Variants in KALRN observed in about 807,000 individuals in gnomAD.
KALRN encodes the protein kalirin RhoGEF kinase.
A neutral mutation model predicts 353.7 loss-of-function variants in KALRN; 70 were observed. The observed-to-expected ratio is 0.20, with a 90% CI of 0.16 to 0.24. KALRN has a LOEUF of 0.24. Among genes scored for constraint, KALRN ranks in the 10% least tolerant of loss-of-function variants. The pLI is 1.00. For missense variants in KALRN, 2,791 were observed against 3,756.7 expected (o/e 0.74, Z 6.72); for synonymous variants, 1,391 against 1,434.8 (o/e 0.97, Z 0.69).
rs10686645 is a variant in KALRN, at chr3:124,406,832, C to CTTTTTT, written c.2347-6626_2347-6621dup. On this transcript the variant is annotated intron_variant, in intron 13 of 59. Coordinates refer to ENST00000682506, the MANE Select transcript of KALRN (RefSeq NM_001388419.1). ...GTGTGGCCTTAAGCAAGTTGCTTTG[C>CTTTTTT]TTTTTTTTTTTTTTTTTGAGACAGG... Among the ~76,000 whole-genome samples, 13 of 126,270 alleles carry CTTTTTT rather than the reference C, an allele frequency of 1.0e-4. 1 individual carries two copies. The highest frequency in any genetic ancestry group is 4.2e-3 in the Middle Eastern group (1 of 240). 82.8% of individuals were successfully genotyped at this position (126,270 alleles called of 152,430 possible). A position where few individuals can be genotyped will look rare whatever the true frequency, so the allele number is the denominator to read the frequency against.
At chr3:124,380,782 T>C (rs1404254346) in intron 10 of KALRN, among the ~76,000 whole-genome samples, 2 of 152,192 alleles carry the variant, frequency 1.3e-5, no homozygotes, top group African/African-American at 4.8e-5. Flanking sequence ...TTAGTTGATA[T>C]TTTCTGTACA....
In KALRN at chr3:124,694,433, ACTTGGAAGGGTCCAGAC is replaced by A; in HGVS notation, c.7509_7525del (p.Trp2504GlufsTer4). The A allele has an allele frequency of 6.2e-7, 1 of 1,614,198 alleles. No individual in the cohort carries two copies. The highest frequency in any genetic ancestry group is 8.5e-7 in the Non-Finnish European group (1 of 1,180,014). On this transcript the variant is annotated frameshift_variant, in exon 53 of 60. Coordinates refer to ENST00000682506, the MANE Select transcript of KALRN (RefSeq NM_001388419.1). LOFTEE classifies it high-confidence loss of function. Reference sequence around the variant, plus strand: ...CTGTGGGCGGCCAAAGCCCACCATCACTTGGAAGGGTCCAGACCAGAACATCCTTGACACTGATAACA... The same window carrying A: ...CTGTGGGCGGCCAAAGCCCACCATCACAGAACATCCTTGACACTGATAACA...
chr3:124,119,007 A>T (rs921818722), intron 1 of KALRN, among the ~76,000 whole-genome samples: 1 of 152,194 alleles, frequency 6.6e-6, no homozygotes, highest in East Asian at 1.9e-4. Context: ...TCATACTGTA[A>T]TGAGAGCCCA....
chr3:124,352,728 A>T (rs1275025941), intron 10 of KALRN, among the ~76,000 whole-genome samples: 1 of 151,964 alleles, frequency 6.6e-6, no homozygotes, highest in Non-Finnish European at 1.5e-5. Flanking sequence ...TCATTCTGAA[A>T]CTGGAAACCA....
chr3:124,368,265 C>T (rs1393751482), intron 10 of KALRN, among the ~76,000 whole-genome samples: 30 of 146,144 alleles, frequency 2.1e-4, no homozygotes, highest in Admixed American at 1.6e-3. Flanking sequence ...CCCTCCCGGA[C>T]GGGGCGGCTG....
chr3:124,541,719 C>CT (rs992588657), intron 33 of KALRN, among the ~76,000 whole-genome samples: 10 of 144,942 alleles, frequency 6.9e-5, no homozygotes, highest in Non-Finnish European at 1.2e-4. Context: ...CCCATCTCTA[C>CT]TAAAAAAAAA....
intron 1 of KALRN, among the ~76,000 whole-genome samples, chr3:124,195,941 G>A (rs973156832): frequency 6.6e-6 from 1 of 152,212 alleles, no homozygotes; most frequent in Non-Finnish European, 1.5e-5. Flanking sequence ...CAGAGGGAAA[G>A]GGGGAACACC....
At chr3:124,692,659 T>C (rs919224968) in intron 51 of KALRN, among the ~76,000 whole-genome samples, 1 of 152,252 alleles carries the variant, frequency 6.6e-6, no homozygotes, top group Non-Finnish European at 1.5e-5. Context: ...CATCTTTATT[T>C]AAATAGGTAT....
At chr3:124,609,624 A>C (rs2077710658) in intron 34 of KALRN, among the ~76,000 whole-genome samples, 1 of 152,190 alleles carries the variant, frequency 6.6e-6, no homozygotes, top group Admixed American at 6.5e-5. Flanking sequence ...GGAAAATGAG[A>C]GTGAATCCAT....
At position 124,562,865 on chromosome 3, in the gene KALRN, C is replaced by G. The variant is rs2072237556; in HGVS notation, c.4958C>G (p.Thr1653Arg). 7.3e-7 allele frequency: 1 copy of G among 1,366,386 alleles called. No homozygotes were observed. The highest frequency in any genetic ancestry group is 1.5e-5 in the African/African-American group (1 of 67,720). 84.6% of individuals were successfully genotyped at this position (1,366,386 alleles called of 1,614,324 possible). A position where few individuals can be genotyped will look rare whatever the true frequency, so the allele number is the denominator to read the frequency against. Reference protein sequence around the residue: ...SDKLSGGCELTVVLQDFSAGH... With the variant: ...SDKLSGGCELRVVLQDFSAGH... ...AAGCTCTCTGGTGGATGTGAGCTGA[C>G]AGTGGTCCTCCAGGACTTCAGTGCG... Residue 1653 changes from threonine to arginine, a missense_variant, in exon 34 of 60, where the codon ACA becomes AGA. Physicochemically the swap from Thr to Arg is moderately conservative, Grantham distance 71 (BLOSUM62 -1). Around this residue, in one of 11 missense-constraint regions of KALRN, gnomAD observed 239 missense variants for 351.3 expected, o/e 0.68. Transcript: ENST00000682506.
chr3:124,255,844 G>T (rs754590199), intron 3 of KALRN, among the ~76,000 whole-genome samples: 1 of 152,178 alleles, frequency 6.6e-6, no homozygotes, highest in African/African-American at 2.4e-5. Context: ...CAAAGATGGG[G>T]TTGGCGTGGG....
At chr3:124,093,209 C>A (rs1381038767) in intron 1 of KALRN, among the ~76,000 whole-genome samples, 1 of 152,166 alleles carries the variant, frequency 6.6e-6, no homozygotes, top group East Asian at 1.9e-4. Flanking sequence ...GAAATCTGCA[C>A]CCTCTCTCAT....
intron 34 of KALRN, among the ~76,000 whole-genome samples, chr3:124,568,733 C>A (rs1000763120): frequency 6.6e-6 from 1 of 152,128 alleles, no homozygotes; most frequent in Non-Finnish European, 1.5e-5. Flanking sequence ...GTGAAACAAG[C>A]CAGACACAAA....
intron 5 of KALRN, among the ~76,000 whole-genome samples, chr3:124,286,113 T>TTCTTTCTTTCTC (rs2075848478): frequency 6.7e-6 from 1 of 148,612 alleles, no homozygotes; most frequent in African/African-American, 2.5e-5. Context: ...CTTTCTTTCT[T>TTCTTTCTTTCTC]TCTTTCTTTC....
intron 49 of KALRN, among the ~76,000 whole-genome samples, chr3:124,676,472 A>G (rs1330482959): frequency 5.3e-5 from 8 of 152,150 alleles, no homozygotes; most frequent in Non-Finnish European, 1.0e-4. Flanking sequence ...TGGGCTTGCA[A>G]CCAAGAGATG....
intron 1 of KALRN, among the ~76,000 whole-genome samples, chr3:124,145,407 T>C (rs1396780688): frequency 6.6e-6 from 1 of 152,202 alleles, no homozygotes; most frequent in African/African-American, 2.4e-5. Context: ...AAAAAGTCTC[T>C]GGGTCTGAGA....
chr3:124,294,424 G>T (rs1319263406), intron 5 of KALRN, among the ~76,000 whole-genome samples: 1 of 149,252 alleles, frequency 6.7e-6, no homozygotes, highest in African/African-American at 2.5e-5. Context: ...TTGTGGGATT[G>T]TTTTATGGAT....
chr3:124,565,661 G>A (rs1184390116), intron 34 of KALRN, among the ~76,000 whole-genome samples: 1 of 152,184 alleles, frequency 6.6e-6, no homozygotes, highest in African/African-American at 2.4e-5. Flanking sequence ...GTTTTCATCA[G>A]GAGGGACTCA....
chr3:124,478,861 C>T (rs77292313), intron 27 of KALRN, among the ~76,000 whole-genome samples: 3,231 of 152,248 alleles, frequency 0.021, 47 homozygotes, highest in South Asian at 0.038. Flanking sequence ...TTGCTCACAC[C>T]GCTCTCTCTG....
Sources: gnomAD v4.1 joint callset for allele counts (sites outside exome capture counted in the v4.1 genomes callset) on GRCh38, gnomAD v4.1.1 for gene constraint, gnomAD v4.1.1 regional missense constraint, MANE v1.5 for transcripts, NCBI Gene and HGNC (gene_info 2026-07-23, HGNC 2026-07-21) for gene names.